The following TACC1 variants were observed in gnomAD, a reference collection of about 807,000 sequenced individuals.
TACC1 encodes the protein transforming acidic coiled-coil containing protein 1, also known as transforming acidic coiled-coil-containing protein 1.
TACC1 carries 48 observed loss-of-function variants against 84.4 expected under a neutral mutation model. The observed-to-expected ratio is 0.57, with a 90% confidence interval of 0.45 to 0.72. The LOEUF (loss-of-function observed/expected upper bound fraction) is 0.72. TACC1 is among the 30% of genes least tolerant of loss of function. The pLI, the probability that TACC1 is intolerant of heterozygous loss-of-function variation, is 0.00. For missense variants in TACC1, 920 were observed against 973.0 expected (o/e 0.95, Z 0.72); for synonymous variants, 372 against 376.3 (o/e 0.99, Z 0.13).
chr8:38,746,195 A>G (rs542276943), intron 3 of TACC1, among the ~76,000 whole-genome samples: 1 of 152,338 alleles, frequency 6.6e-6, no homozygotes, highest in Non-Finnish European at 1.5e-5. Context: ...TTAAAAATTA[A>G]GAAAAAAAGC....
At chr8:38,773,357 A>G (rs1814052369) in intron 3 of TACC1, among the ~76,000 whole-genome samples, 1 of 150,188 alleles carries the variant, frequency 6.7e-6, no homozygotes, top group South Asian at 2.1e-4. Flanking sequence ...ATATTGACAT[A>G]AATATTAATA....
intron 6 of TACC1, among the ~76,000 whole-genome samples, chr8:38,834,215 AT>A (rs1457206513): frequency 6.6e-6 from 1 of 152,100 alleles, no homozygotes; most frequent in Non-Finnish European, 1.5e-5. Flanking sequence ...CTTGGGGAGG[AT>A]CTGCTTCCAA....
rs1201285609 is a variant in TACC1 at position 38,840,229 on chromosome 8, T to G, written c.1922T>G (p.Ile641Ser). The stretch of plus-strand genomic sequence containing the variant: ...GTTCTTTTTTTCTCATTTAGGAAAA[T>G]TGTAGCTGAATATGAAAAGACTATT... ...TRQEVLEMRKIVAEYEKTIAQ... is the reference protein window; with the variant it reads ...TRQEVLEMRKSVAEYEKTIAQ... Residue 641 changes from isoleucine to serine, a missense_variant, in exon 9 of 13, where the codon ATT becomes AGT. By Grantham distance (142) the Ile-to-Ser change is moderately radical (BLOSUM62 -2). Transcript: ENST00000317827. The G allele has an allele frequency of 5.6e-6, 9 of 1,608,892 alleles. No individual in the cohort carries two copies. The highest frequency in any genetic ancestry group is 7.6e-6 in the Non-Finnish European group (9 of 1,178,154).
intron 9 of TACC1, among the ~76,000 whole-genome samples, chr8:38,841,777 C>T (rs563197440): frequency 6.6e-6 from 1 of 152,232 alleles, no homozygotes; most frequent in African/African-American, 2.4e-5. Flanking sequence ...TGCATCAGAC[C>T]CAGCGGTGCC....
chr8:38,848,212 TGCATAG>T lies in TACC1; in HGVS notation c.*190_*195del. On this transcript the variant is annotated 3_prime_UTR_variant, in exon 13 of 13. Transcript: ENST00000317827. Reference sequence around the variant, plus strand: ...AGCCCTGGAAGAAACCCTAGAGGGTTGCATAGTCTAGAAAGGAGTGTGACCTGACAG... The same window carrying T: ...AGCCCTGGAAGAAACCCTAGAGGGTTTCTAGAAAGGAGTGTGACCTGACAG... The T allele has an allele frequency of 5.5e-6, 3 of 549,946 alleles. No homozygotes were observed. The South Asian group carries it at 8.2e-5, about 15-fold the overall frequency. 34.1% of individuals were successfully genotyped at this position (549,946 alleles called of 1,614,324 possible).
intron 2 of TACC1, among the ~76,000 whole-genome samples, chr8:38,810,782 T>G (rs1718807134): frequency 6.6e-6 from 1 of 152,108 alleles, no homozygotes; most frequent in Non-Finnish European, 1.5e-5. Flanking sequence ...CCAGATTTCT[T>G]CTCTGAACAT....
intron 3 of TACC1, among the ~76,000 whole-genome samples, chr8:38,761,452 A>G (rs189917596): frequency 1.1e-3 from 170 of 152,340 alleles, no homozygotes; most frequent in African/African-American, 3.9e-3. Context: ...TGATTTTGCC[A>G]TGTGAATTTC....
intron 2 of TACC1, among the ~76,000 whole-genome samples, chr8:38,793,062 CCT>C (rs1819128769): frequency 1.3e-5 from 2 of 152,172 alleles, no homozygotes; most frequent in Admixed American, 1.3e-4. Context: ...CAGATTGTTA[CCT>C]CTCTCTGAGA....
rs149802326 is a variant in TACC1 at position 38,757,788 on chromosome 8, A to G, written c.26+12295A>G. On this transcript the variant is annotated intron_variant, in intron 3 of 14. Coordinates refer to the TACC1 transcript ENST00000518415. ...AGGGAGGTGAAACTATGAGAGAGGC[A>G]CTCAAGTCTCAAAACGCAATTGGCG... 3.3e-5 allele frequency among the ~76,000 whole-genome samples: 5 copies of G among 152,282 alleles called. No individual in the cohort carries two copies. The East Asian group carries it at 9.7e-4, about 29-fold the overall frequency.
At position 38,819,805 on chromosome 8, in the gene TACC1, G is replaced by A. The variant is rs1481831033; in HGVS notation, c.561G>A (p.Pro187=). 11 of 1,613,820 alleles carry A rather than the reference G, an allele frequency of 6.8e-6. No individual in the cohort carries two copies. Among genetic ancestry groups the A allele is most frequent in the East Asian group, 4.5e-5 (2 of 44,898 alleles). ...CAGGCAAGGCTCTGCCTTCCAGCCC[G>A]CCAGACGCCCTCCAGGACGAGGCGA... The part of the protein sequence containing the change: ...AVSGKALPSS[P]PDALQDEAMT... Residue 187 remains proline, a synonymous_variant, in exon 3 of 13, where the codon CCG becomes CCA. Coordinates refer to ENST00000317827, the MANE Select transcript of TACC1 (RefSeq NM_006283.3).
chr8:38,776,972 T>A (rs1427685415), intron 3 of TACC1, among the ~76,000 whole-genome samples: 1 of 152,134 alleles, frequency 6.6e-6, no homozygotes, highest in Non-Finnish European at 1.5e-5. Context: ...GATAGACTTT[T>A]AGGCTGGGCA....
intron 1 of TACC1, among the ~76,000 whole-genome samples, chr8:38,733,234 G>T (rs1038257716): frequency 6.6e-6 from 1 of 151,480 alleles, no homozygotes; most frequent in African/African-American, 2.4e-5. Flanking sequence ...GACGATCCCA[G>T]CTGTGGACTC....
At chr8:38,774,794 C>T (rs1461858855) in intron 3 of TACC1, among the ~76,000 whole-genome samples, 8 of 152,040 alleles carry the variant, frequency 5.3e-5, no homozygotes, top group African/African-American at 1.9e-4. Context: ...GGGCGGATCA[C>T]GAGGTCAGGA....
intron 3 of TACC1, among the ~76,000 whole-genome samples, chr8:38,773,403 A>G (rs1487565285): frequency 3.4e-5 from 5 of 148,316 alleles, no homozygotes; most frequent in Admixed American, 2.0e-4. Context: ...AATATAATAT[A>G]AATTTTTATA....
At chr8:38,774,965 C>T (rs1814521200) in intron 3 of TACC1, among the ~76,000 whole-genome samples, 1 of 147,802 alleles carries the variant, frequency 6.8e-6, no homozygotes, top group African/African-American at 2.5e-5. Context: ...GAGCGAAGAT[C>T]GCACCACTGC....
At chr8:38,743,428 G>T (rs993048338) in intron 2 of TACC1, among the ~76,000 whole-genome samples, 1 of 152,140 alleles carries the variant, frequency 6.6e-6, no homozygotes, top group African/African-American at 2.4e-5. Context: ...TGATGATAAT[G>T]GTTGGGGGGC....
At chr8:38,833,570 C>T (rs974925321) in intron 6 of TACC1, among the ~76,000 whole-genome samples, 1 of 152,174 alleles carries the variant, frequency 6.6e-6, no homozygotes, top group African/African-American at 2.4e-5. Flanking sequence ...AGACATTAAA[C>T]ACCATCTAAG....
upstream of TACC1, among the ~76,000 whole-genome samples, chr8:38,784,794 G>T (rs1310276314): frequency 6.6e-6 from 1 of 152,284 alleles, no homozygotes; most frequent in East Asian, 1.9e-4. Context: ...GTGTGGTTCT[G>T]TCCTAATTTC....
chr8:38,820,024 C>T lies in TACC1; in HGVS notation c.780C>T (p.Pro260=). ...TNAAVEGTPL[P]KASYHFSPEE... The stretch of plus-strand genomic sequence containing the variant: ...CTGCTGTGGAGGGCACACCTCTCCC[C>T]AAGGCATCCTATCACTTCAGTCCTG... Residue 260 remains proline (P), a synonymous_variant, in exon 3 of 13, where the codon CCC becomes CCT. Coordinates refer to ENST00000317827, the MANE Select transcript of TACC1 (RefSeq NM_006283.3). The T allele has an allele frequency of 1.2e-6, 2 of 1,614,028 alleles. No individual in the cohort carries two copies. The highest frequency in any genetic ancestry group is 1.7e-6 in the Non-Finnish European group (2 of 1,180,024).
Sources: allele counts gnomAD v4.1 joint callset (sites outside exome capture counted in the v4.1 genomes callset), GRCh38; gene constraint gnomAD v4.1.1; transcripts MANE v1.5; gene names NCBI Gene and HGNC (gene_info 2026-07-23, HGNC 2026-07-21).